EPHB2: variants seen among roughly 807,000 people sequenced by gnomAD.
The protein encoded by EPHB2 is ephrin type-B receptor 2.
In EPHB2, 18 loss-of-function variants were observed where a neutral mutation model predicts 96.4. That is an observed-to-expected ratio of 0.19 (90% CI 0.13 to 0.28). The LOEUF (loss-of-function observed/expected upper bound fraction) is 0.28, where lower values mean the gene tolerates loss of function less well. Ranked by LOEUF, EPHB2 falls within the 10% of genes least tolerant of loss-of-function variation. The pLI, the probability that EPHB2 is intolerant of heterozygous loss-of-function variation, is 1.00. For missense variants in EPHB2, 989 were observed against 1,355.4 expected (o/e 0.73, Z 4.25); for synonymous variants, 506 against 534.1 (o/e 0.95, Z 0.72).
At position 22,912,480 on chromosome 1, in the gene EPHB2, C is replaced by T; in HGVS notation, c.2733C>T (p.Asp911=). 1.9e-6 allele frequency: 3 copies of T among 1,614,174 alleles called. No homozygotes were observed. The highest frequency in any genetic ancestry group is 2.5e-6 in the Non-Finnish European group (3 of 1,180,042). The change falls in exon 15 of 16, where the codon GAC becomes GAT. Residue 911 remains aspartate (D), a synonymous_variant. Coordinates refer to ENST00000374630, the MANE Select transcript of EPHB2 (RefSeq NM_017449.5). Reference sequence around the variant, plus strand: ...CGCTGCTGGACCGCACGATCCCCGACTACACCAGCTTTAACACGGTGGACG... The same window carrying T: ...CGCTGCTGGACCGCACGATCCCCGATTACACCAGCTTTAACACGGTGGACG... The part of the protein sequence containing the change: ...NLPLLDRTIP[D]YTSFNTVDEW...
intron 1 of EPHB2, among the ~76,000 whole-genome samples, chr1:22,775,730 G>C (rs1267328188): frequency 6.6e-6 from 1 of 152,364 alleles, no homozygotes; most frequent in Admixed American, 6.5e-5. Context: ...AGGAAGGAGA[G>C]GGGGTGTGGG....
At chr1:22,798,113 A>G (rs1213989698) in intron 3 of EPHB2, among the ~76,000 whole-genome samples, 1 of 152,098 alleles carries the variant, frequency 6.6e-6, no homozygotes, top group South Asian at 2.1e-4. Flanking sequence ...TGTTTTGTTC[A>G]CCATTGTATT....
intron 1 of EPHB2, among the ~76,000 whole-genome samples, chr1:22,758,208 G>A (rs977462970): frequency 6.6e-6 from 1 of 151,492 alleles, no homozygotes; most frequent in Non-Finnish European, 1.5e-5. Flanking sequence ...GTGAGCCACC[G>A]CGCCCGGCCT....
intron 1 of EPHB2, among the ~76,000 whole-genome samples, chr1:22,754,831 GCAGGGGAGGGGAGGTGAGGGA>G (rs1644119196): frequency 7.6e-6 from 1 of 130,826 alleles, no homozygotes; most frequent in Non-Finnish European, 1.7e-5. Context: ...GAGGTGAGGG[GCAGGGGAGGGGAGGTGAGGGA>G]CAGGTGAGGT....
intron 1 of EPHB2, among the ~76,000 whole-genome samples, chr1:22,760,263 T>C (rs961830223): frequency 1.3e-5 from 2 of 152,010 alleles, no homozygotes; most frequent in African/African-American, 2.4e-5. Flanking sequence ...AAAATGGGGC[T>C]GAGGGAACCC....
In EPHB2 at chr1:22,895,528, G is replaced by A. The variant is rs144480560; in HGVS notation, c.1648G>A (p.Ala550Thr). 4.2e-5 allele frequency: 68 copies of A among 1,614,108 alleles called. No individual in the cohort carries two copies. Among genetic ancestry groups the A allele is most frequent in the Non-Finnish European group, 5.3e-5 (62 of 1,180,046 alleles). Residue 550 changes from alanine (A) to threonine (T), a missense_variant, in exon 8 of 16, where the codon GCT (alanine) becomes ACT (threonine). By Grantham distance (58) the Ala-to-Thr change is moderately conservative. Transcript: ENST00000374630. ...GCCACTCATCATCGGCTCCTCGGCC[G>A]CTGGCCTGGTCTTCCTCATTGCTGT... The part of the protein sequence containing the change: ...KLPLIIGSSA[A>T]GLVFLIAVVV...
chr1:22,866,930 G>T (rs945011174), intron 5 of EPHB2, among the ~76,000 whole-genome samples: 1 of 152,130 alleles, frequency 6.6e-6, no homozygotes, highest in African/African-American at 2.4e-5. Context: ...GCAAAATTCT[G>T]TCTAAGTAAA....
In EPHB2 at chr1:22,907,978, TC is replaced by T. The variant is rs1639970951; in HGVS notation, c.2164del (p.Gln722SerfsTer13). 1 of 1,614,128 alleles carries T rather than the reference TC, an allele frequency of 6.2e-7. No individual in the cohort carries two copies. ...CAAAACGATGGGCAGTTCACAGTCA[TC>T]CAGCTGGTGGGCATGCTTCGGGGCA... ...LRQNDGQFTV[I>X]QLVGMLRGIA... On this transcript the variant is annotated frameshift_variant, in exon 12 of 16. Coordinates refer to ENST00000374630, the MANE Select transcript of EPHB2 (RefSeq NM_017449.5). LOFTEE classifies it high-confidence loss of function.
intron 3 of EPHB2, among the ~76,000 whole-genome samples, chr1:22,799,982 G>A (rs187086810): frequency 6.2e-4 from 94 of 152,338 alleles, no homozygotes; most frequent in Non-Finnish European, 1.1e-3. Context: ...AGACCTAAGA[G>A]TGGTCACTGG....
chr1:22,838,232 T>A (rs1266724474), intron 3 of EPHB2, among the ~76,000 whole-genome samples: 2 of 152,152 alleles, frequency 1.3e-5, no homozygotes, highest in Admixed American at 1.3e-4. Context: ...CCGATCCCAG[T>A]GAAGCTCAAG....
intron 1 of EPHB2, among the ~76,000 whole-genome samples, chr1:22,712,964 T>C (rs1643193686): frequency 6.6e-6 from 1 of 152,136 alleles, no homozygotes; most frequent in African/African-American, 2.4e-5. Flanking sequence ...TTAATTACTC[T>C]GGGGTAGATG....
chr1:22,805,064 AGG>A (rs1335040424), intron 3 of EPHB2, among the ~76,000 whole-genome samples: 5 of 148,318 alleles, frequency 3.4e-5, no homozygotes, highest in Non-Finnish European at 5.9e-5. Context: ...CAAGGGGCAC[AGG>A]TACCTACATA....
chr1:22,831,632 G>T (rs777322245), intron 3 of EPHB2, among the ~76,000 whole-genome samples: 1 of 152,048 alleles, frequency 6.6e-6, no homozygotes, highest in African/African-American at 2.4e-5. Flanking sequence ...CAAATTCAGA[G>T]CCTTAACACC....
At chr1:22,779,379 T>C (rs1458407644) in intron 1 of EPHB2, among the ~76,000 whole-genome samples, 1 of 152,116 alleles carries the variant, frequency 6.6e-6, no homozygotes, top group African/African-American at 2.4e-5. Context: ...GGGATGCCAG[T>C]GCACAGGGAC....
chr1:22,914,665 G>A lies in EPHB2; in HGVS notation c.*1095G>A, dbSNP rs755772820. 2 of 152,548 alleles carry A rather than the reference G, an allele frequency of 1.3e-5. No individual in the cohort carries two copies. The highest frequency in any genetic ancestry group is 2.9e-5 in the Non-Finnish European group (2 of 68,036). The allele number at this position is 152,548 out of a possible 1,614,324, so 9.4% of individuals were successfully genotyped here. A position where few individuals can be genotyped will look rare whatever the true frequency, so the allele number is the denominator to read the frequency against. On this transcript the variant is annotated 3_prime_UTR_variant, in exon 16 of 16. Coordinates refer to ENST00000374630, the MANE Select transcript of EPHB2 (RefSeq NM_017449.5). ...CTGACTTAGGCAATACACCAAGGGC[G>A]AGATTTTATATGCACATTTCTGGAT... is the stretch of plus-strand genomic sequence containing the variant.
chr1:22,912,566 C>G lies in EPHB2; in HGVS notation c.2819C>G (p.Thr940Ser), dbSNP rs955531193. Reference sequence around the variant, plus strand: ...GAGAGCTTCGCCAATGCCGGCTTCACCTCCTTTGACGTCGTGTCTCAGATG... The same window carrying G: ...GAGAGCTTCGCCAATGCCGGCTTCAGCTCCTTTGACGTCGTGTCTCAGATG... ...YKESFANAGFTSFDVVSQMMM... is the reference protein window; with the variant it reads ...YKESFANAGFSSFDVVSQMMM... Residue 940 changes from threonine to serine, a missense_variant, in exon 15 of 16, where the codon ACC becomes AGC. By Grantham distance (58) the Thr-to-Ser change is moderately conservative (BLOSUM62 1). Transcript: ENST00000374630. 7 of 1,614,088 alleles carry G rather than the reference C, an allele frequency of 4.3e-6. No individual in the cohort carries two copies. The highest frequency in any genetic ancestry group is 5.9e-6 in the Non-Finnish European group (7 of 1,180,040).
At chr1:22,901,804 C>T (rs962384675) in intron 9 of EPHB2, among the ~76,000 whole-genome samples, 5 of 109,232 alleles carry the variant, frequency 4.6e-5, no homozygotes, top group Admixed American at 9.7e-5. Context: ...CATTTAACTT[C>T]GTGTGTGTGT....
Position 22,733,538 on chromosome 1 carries a change from G to A in EPHB2, c.61+22495G>A, listed in dbSNP as rs145703627. On this transcript the variant is annotated intron_variant, in intron 1 of 15. Coordinates refer to ENST00000374630, the MANE Select transcript of EPHB2 (RefSeq NM_017449.5). The surrounding 1 kb of genome is among the most constrained non-coding windows in gnomAD (Gnocchi z 4.6). ...TTGATTTTACGGAGTAGTTTTGCACGGTGGAAATCAGCATATACCATGGCC... is the reference window on the plus strand; with the variant it reads ...TTGATTTTACGGAGTAGTTTTGCACAGTGGAAATCAGCATATACCATGGCC... 7.3e-4 allele frequency among the ~76,000 whole-genome samples: 111 copies of A among 152,218 alleles called. No individual in the cohort carries two copies. Among genetic ancestry groups the A allele is most frequent in the African/African-American group, 2.6e-3 (106 of 41,532 alleles).
At position 22,885,527 on chromosome 1, in the gene EPHB2, C is replaced by A. The variant is rs115062964; in HGVS notation, c.1428+3044C>A. On this transcript the variant is annotated intron_variant, in intron 6 of 15. Transcript: ENST00000374630. Reference sequence around the variant, plus strand: ...AGCACTTGCTATGTGCTAAGCACGTCACCTCTAGCATCTCATTTATCCTCA... The same window carrying A: ...AGCACTTGCTATGTGCTAAGCACGTAACCTCTAGCATCTCATTTATCCTCA... 3.4e-3 allele frequency among the ~76,000 whole-genome samples: 512 copies of A among 152,358 alleles called. 5 individuals carry two copies. The highest frequency in any genetic ancestry group is 0.011 in the African/African-American group (475 of 41,588).
Sources: gnomAD v4.1 joint callset for allele counts (sites outside exome capture counted in the v4.1 genomes callset) on GRCh38, gnomAD v4.1.1 for gene constraint, Gnocchi (gnomAD v3.1) non-coding constraint, MANE v1.5 for transcripts, NCBI Gene and HGNC (gene_info 2026-07-23, HGNC 2026-07-21) for gene names.